BBS9: variants seen among roughly 807,000 people sequenced by gnomAD.
BBS9 encodes Bardet-Biedl syndrome 9.
BBS9 carries 89 observed loss-of-function variants against 117.7 expected under a neutral mutation model. That is an observed-to-expected ratio of 0.76 (90% CI 0.64 to 0.90). The LOEUF (loss-of-function observed/expected upper bound fraction) is 0.90, where lower values mean the gene tolerates loss of function less well. Among genes scored for constraint, BBS9 ranks in the 40% least tolerant of loss-of-function variants. The pLI is 0.00. For synonymous variants in BBS9, 379 were observed against 370.9 expected, an observed-to-expected ratio of 1.02 and a Z score of -0.25; for missense variants, 982 against 1,042.2, an observed-to-expected ratio of 0.94 and a Z score of 0.80.
intron 19 of BBS9, among the ~76,000 whole-genome samples, chr7:33,466,177 C>T (rs1447485752): frequency 6.6e-6 from 1 of 152,040 alleles, no homozygotes; most frequent in Non-Finnish European, 1.5e-5. Context: ...TTAAGATCAA[C>T]TCTCTTAGCA....
intron 4 of BBS9, among the ~76,000 whole-genome samples, chr7:33,161,567 G>T (rs1361181161): frequency 6.6e-6 from 1 of 152,162 alleles, no homozygotes; most frequent in African/African-American, 2.4e-5. Context: ...TGTGAATAGT[G>T]CCATAAAAAA....
chr7:33,161,979 T>C lies in BBS9; in HGVS notation c.328+6277T>C, dbSNP rs532028872. Among the ~76,000 whole-genome samples, 98 of 152,340 alleles carry C rather than the reference T, an allele frequency of 6.4e-4. No homozygotes were observed. In the South Asian group the frequency reaches 8.5e-3, roughly 13 times the overall value. On this transcript the variant is annotated intron_variant, in intron 4 of 22. Coordinates refer to ENST00000242067, the MANE Select transcript of BBS9 (RefSeq NM_198428.3). ...TTGTTGATGGAATTGTTTGTTTTTT[T>C]CTTGTAAATTTGTTTAAGTTCTTTG...
chr7:33,592,166 G>C (rs1324791951), intron 21 of BBS9, among the ~76,000 whole-genome samples: 2 of 151,990 alleles, frequency 1.3e-5, no homozygotes, highest in Non-Finnish European at 2.9e-5. Context: ...GCAGTTTCAT[G>C]TGTATTTGGC....
chr7:33,129,424 C>G, upstream of BBS9: 1 of 284,568 alleles, frequency 3.5e-6, no homozygotes, highest in Non-Finnish European at 6.5e-6. Flanking sequence ...CGAGCCCCGC[C>G]CCAGTAGCAA....
chr7:33,220,301 A>T (rs1789995733), intron 5 of BBS9, among the ~76,000 whole-genome samples: 2 of 152,212 alleles, frequency 1.3e-5, no homozygotes, highest in South Asian at 4.1e-4. Flanking sequence ...CATAGTTAAA[A>T]AAAGGGAGGG....
At chr7:33,238,590 G>C (rs540593179) in intron 5 of BBS9, among the ~76,000 whole-genome samples, 2 of 152,164 alleles carry the variant, frequency 1.3e-5, no homozygotes, top group South Asian at 4.2e-4. Flanking sequence ...CAACATGACC[G>C]ACCCTTGTTT....
chr7:33,320,923 T>C (rs1301591768), intron 9 of BBS9, among the ~76,000 whole-genome samples: 1 of 151,950 alleles, frequency 6.6e-6, no homozygotes, highest in African/African-American at 2.4e-5. Flanking sequence ...GGGAGAGGGG[T>C]CTAGTTTCAT....
intron 19 of BBS9, among the ~76,000 whole-genome samples, chr7:33,460,203 G>A (rs187060768): frequency 1.4e-4 from 21 of 152,180 alleles, no homozygotes; most frequent in African/African-American, 4.3e-4. Flanking sequence ...GGCTAAAAGA[G>A]TTCTATTGTG....
At chr7:33,536,756 TCA>T (rs995703793) in intron 21 of BBS9, among the ~76,000 whole-genome samples, 21 of 67,278 alleles carry the variant, frequency 3.1e-4, no homozygotes, top group African/African-American at 5.8e-4. Flanking sequence ...AGAAATAGTT[TCA>T]CACAGTCTCT....
At chr7:33,397,363 C>T (rs537610298) in intron 19 of BBS9, among the ~76,000 whole-genome samples, 35 of 152,164 alleles carry the variant, frequency 2.3e-4, no homozygotes, top group Admixed American at 1.5e-3. Context: ...CACTTTTATA[C>T]GTTGGTGGGA....
intron 21 of BBS9, among the ~76,000 whole-genome samples, chr7:33,553,939 C>T (rs982664071): frequency 1.3e-5 from 2 of 151,922 alleles, no homozygotes; most frequent in Non-Finnish European, 2.9e-5. Flanking sequence ...TACAGTGAAA[C>T]AATGAGTTGA....
chr7:33,209,711 T>G (rs537329344), intron 5 of BBS9, among the ~76,000 whole-genome samples: 2 of 152,312 alleles, frequency 1.3e-5, no homozygotes, highest in African/African-American at 4.8e-5. Context: ...CTAAGGATCC[T>G]TTTAATTTAT....
At chr7:33,177,776 G>A (rs867766671) in intron 5 of BBS9, 185 bp downstream of exon 5, 15 of 594,312 alleles carry the variant, frequency 2.5e-5, no homozygotes, top group South Asian at 1.1e-4. Context: ...GCCTGATATC[G>A]TCTGATCTTG....
At chr7:33,297,479 T>TA (rs1031683023) in intron 9 of BBS9, among the ~76,000 whole-genome samples, 7 of 152,202 alleles carry the variant, frequency 4.6e-5, no homozygotes, top group African/African-American at 1.7e-4. Flanking sequence ...TTTTAGAATC[T>TA]AAAACTGGTA....
intron 4 of BBS9, among the ~76,000 whole-genome samples, chr7:33,157,320 A>G (rs1318306619): frequency 6.6e-6 from 1 of 152,254 alleles, no homozygotes; most frequent in African/African-American, 2.4e-5. Context: ...ATATCCTTCA[A>G]GTAAGTGTTG....
At chr7:33,560,761 G>A (rs1035357619) in intron 21 of BBS9, among the ~76,000 whole-genome samples, 1 of 152,082 alleles carries the variant, frequency 6.6e-6, no homozygotes, top group Non-Finnish European at 1.5e-5. Context: ...GCATCTCTAG[G>A]GATAGGCTTC....
At chr7:33,284,141 ACTCT>A (rs1283202579) in intron 9 of BBS9, among the ~76,000 whole-genome samples, 5 of 151,854 alleles carry the variant, frequency 3.3e-5, no homozygotes, top group African/African-American at 7.2e-5. Context: ...CTAGGACCTG[ACTCT>A]CTCTTCCGCT....
At chr7:33,552,431 C>T (rs1157455972) in intron 21 of BBS9, among the ~76,000 whole-genome samples, 1 of 152,182 alleles carries the variant, frequency 6.6e-6, no homozygotes, top group African/African-American at 2.4e-5. Context: ...ATTGGCCCCT[C>T]CACCAGCCCT....
chr7:33,304,811 A>T (rs1807528047), intron 9 of BBS9, among the ~76,000 whole-genome samples: 1 of 152,198 alleles, frequency 6.6e-6, no homozygotes, highest in Admixed American at 6.5e-5. Context: ...CTGCCTTGGG[A>T]TGCTGTTAAT....
Sources: allele counts gnomAD v4.1 joint callset (sites outside exome capture counted in the v4.1 genomes callset), GRCh38; gene constraint gnomAD v4.1.1; transcripts MANE v1.5; gene names NCBI Gene and HGNC (gene_info 2026-07-23, HGNC 2026-07-21).